FBXO8: variants seen among roughly 807,000 people sequenced by gnomAD.
FBXO8 encodes the protein F-box only protein 8.
Under a neutral mutation model 33.4 loss-of-function variants are expected in FBXO8, and 15 were observed. The observed-to-expected ratio is 0.45, with a 90% CI of 0.30 to 0.69. The LOEUF is 0.69. FBXO8 is among the 30% of genes least tolerant of loss of function. The pLI is 0.08. For missense variants in FBXO8, 274 were observed against 380.3 expected (o/e 0.72, Z 2.32); for synonymous variants, 132 against 131.5 (o/e 1.00, Z -0.02).
In FBXO8 at chr4:174,245,209, C is replaced by T. The variant is rs1410305208; in HGVS notation, c.457-3991G>A. 6.6e-6 allele frequency among the ~76,000 whole-genome samples: 1 copy of T among 151,588 alleles called. No individual in the cohort carries two copies. Among genetic ancestry groups the T allele is most frequent in the South Asian group, 2.1e-4 (1 of 4,826 alleles). On this transcript the variant is annotated intron_variant, in intron 3 of 5. Coordinates refer to ENST00000393674, the MANE Select transcript of FBXO8 (RefSeq NM_012180.3). The surrounding 1 kb of genome is among the most constrained non-coding windows in gnomAD (Gnocchi z 4.6). ...ATAAACATCTAGAATACACACGTGCCAAGGTACATCAATAATACATGGCAG... is the reference window on the plus strand; with the variant it reads ...ATAAACATCTAGAATACACACGTGCTAAGGTACATCAATAATACATGGCAG...
In FBXO8 at chr4:174,278,900, A is replaced by G. The variant is rs1009765483; in HGVS notation, c.-9+4510T>C. ...GAAAAGAGACTGATGGAAAGAAAAC[A>G]TGAGTTTGACTCAGTCTCCTTCCTT... On this transcript the variant is annotated intron_variant, in intron 1 of 5. Transcript: ENST00000393674. The surrounding 1 kb of genome is among the most constrained non-coding windows in gnomAD (Gnocchi z 4.1). 6.6e-6 allele frequency among the ~76,000 whole-genome samples: 1 copy of G among 152,122 alleles called. No homozygotes were observed. Among genetic ancestry groups the G allele is most frequent in the Non-Finnish European group, 1.5e-5 (1 of 67,960 alleles).
intron 3 of FBXO8, among the ~76,000 whole-genome samples, chr4:174,249,322 A>C (rs1439070126): frequency 6.6e-6 from 1 of 152,016 alleles, no homozygotes; most frequent in African/African-American, 2.4e-5. Flanking sequence ...TAGAAAAAGA[A>C]AGCATTCTAA....
At chr4:174,266,869 A>T (rs1736707941) in intron 1 of FBXO8, among the ~76,000 whole-genome samples, 2 of 152,244 alleles carry the variant, frequency 1.3e-5, no homozygotes, top group South Asian at 4.1e-4. Flanking sequence ...CTAACAGTCA[A>T]TACGTTAGAT....
intron 1 of FBXO8, among the ~76,000 whole-genome samples, chr4:174,269,855 G>T (rs769659290): frequency 1.3e-5 from 2 of 152,024 alleles, no homozygotes; most frequent in Admixed American, 6.6e-5. Flanking sequence ...ATAGGCAAAC[G>T]AATATGATCC....
At chr4:174,244,886 T>C (rs1308316118) in intron 3 of FBXO8, among the ~76,000 whole-genome samples, 1 of 151,808 alleles carries the variant, frequency 6.6e-6, no homozygotes, top group Non-Finnish European at 1.5e-5. Context: ...TCCTAGTCAT[T>C]TGATTTTTTT....
At chr4:174,266,666 CAG>C (rs1017240066) in intron 1 of FBXO8, among the ~76,000 whole-genome samples, 4 of 152,154 alleles carry the variant, frequency 2.6e-5, no homozygotes, top group Non-Finnish European at 5.9e-5. Context: ...TGAAGTCAGA[CAG>C]ACCTGGGTTT....
rs528292255 is a variant in FBXO8 at position 174,265,809 on chromosome 4, G to A, written c.-8-2709C>T. ...TTTTGACACAAATTGAACATTTTAA[G>A]TCTACTAATCATAAAGAAAAGTATT... On this transcript the variant is annotated intron_variant, in intron 1 of 5. Transcript: ENST00000393674. This position sits in a 1 kb window ranked among gnomAD's most constrained non-coding sequence, Gnocchi z 4.7. 6.6e-6 allele frequency among the ~76,000 whole-genome samples: 1 copy of A among 152,090 alleles called. No individual in the cohort carries two copies. Among genetic ancestry groups the A allele is most frequent in the Non-Finnish European group, 1.5e-5 (1 of 68,006 alleles).
Position 174,252,677 on chromosome 4 carries a change from G to A in FBXO8, c.456+7022C>T, listed in dbSNP as rs531597456. The stretch of plus-strand genomic sequence containing the variant: ...TGCACACACACACACACACACACAC[G>A]CACAGACAATACTACCTCTTTGTGT... On this transcript the variant is annotated intron_variant, in intron 3 of 5. Coordinates refer to ENST00000393674, the MANE Select transcript of FBXO8 (RefSeq NM_012180.3). This position sits in a 1 kb window ranked among gnomAD's most constrained non-coding sequence, Gnocchi z 5.1. Among the ~76,000 whole-genome samples, 5 of 67,666 alleles carry A rather than the reference G, an allele frequency of 7.4e-5. No homozygotes were observed. Among genetic ancestry groups the A allele is most frequent in the South Asian group, 4.0e-4 (1 of 2,494 alleles). 44.4% of individuals were successfully genotyped at this position (67,666 alleles called of 152,430 possible). A position where few individuals can be genotyped will look rare whatever the true frequency, so the allele number is the denominator to read the frequency against.
In FBXO8 at chr4:174,254,445, G is replaced by C. The variant is rs1361656414; in HGVS notation, c.456+5254C>G. Among the ~76,000 whole-genome samples the C allele has an allele frequency of 6.6e-6, 1 of 152,156 alleles. No individual in the cohort carries two copies. Among genetic ancestry groups the C allele is most frequent in the Non-Finnish European group, 1.5e-5 (1 of 68,008 alleles). ...TAAAAAGTATCTTAGTGGCCTGTCAGCTTTCATTAGGAATACTTCTGTGTT... is the reference window on the plus strand; with the variant it reads ...TAAAAAGTATCTTAGTGGCCTGTCACCTTTCATTAGGAATACTTCTGTGTT... On this transcript the variant is annotated intron_variant, in intron 3 of 5. Transcript: ENST00000393674. This position sits in a 1 kb window ranked among gnomAD's most constrained non-coding sequence, Gnocchi z 4.2.
rs1165135494 is a variant in FBXO8, at chr4:174,245,332, C to G, written c.457-4114G>C. On this transcript the variant is annotated intron_variant, in intron 3 of 5. Transcript: ENST00000393674. The surrounding 1 kb of genome is among the most constrained non-coding windows in gnomAD (Gnocchi z 4.6). Reference sequence around the variant, plus strand: ...GGATAGGACGTTTGGATAAGGTTTCCTGCTAGAGATTAGACTGAAGTATTG... The same window carrying G: ...GGATAGGACGTTTGGATAAGGTTTCGTGCTAGAGATTAGACTGAAGTATTG... Among the ~76,000 whole-genome samples the G allele has an allele frequency of 6.6e-6, 1 of 151,712 alleles. No homozygotes were observed. Among genetic ancestry groups the G allele is most frequent in the Non-Finnish European group, 1.5e-5 (1 of 67,828 alleles).
rs1330727846 is a variant in FBXO8 at position 174,254,598 on chromosome 4, T to C, written c.456+5101A>G. 6.6e-6 allele frequency among the ~76,000 whole-genome samples: 1 copy of C among 152,192 alleles called. No individual in the cohort carries two copies. Among genetic ancestry groups the C allele is most frequent in the Non-Finnish European group, 1.5e-5 (1 of 68,020 alleles). On this transcript the variant is annotated intron_variant, in intron 3 of 5. Coordinates refer to ENST00000393674, the MANE Select transcript of FBXO8 (RefSeq NM_012180.3). The surrounding 1 kb of genome is among the most constrained non-coding windows in gnomAD (Gnocchi z 4.2). ...TTATCAATATGTACAGGCAGTTATT[T>C]GAATTCAATATTGCTTTCAGGTTTA...
Position 174,262,117 on chromosome 4 carries a change from G to A in FBXO8, c.329+647C>T, listed in dbSNP as rs1318814977. ...AGATTTGTGGTTTTAATTCAGACTAGTACAATGTGGAAATTTATGTAATCT... is the reference window on the plus strand; with the variant it reads ...AGATTTGTGGTTTTAATTCAGACTAATACAATGTGGAAATTTATGTAATCT... On this transcript the variant is annotated intron_variant, in intron 2 of 5. Coordinates refer to ENST00000393674, the MANE Select transcript of FBXO8 (RefSeq NM_012180.3). This position sits in a 1 kb window ranked among gnomAD's most constrained non-coding sequence, Gnocchi z 4.6. Among the ~76,000 whole-genome samples the A allele has an allele frequency of 6.6e-6, 1 of 151,994 alleles. No homozygotes were observed. The highest frequency in any genetic ancestry group is 1.5e-5 in the Non-Finnish European group (1 of 67,972).
chr4:174,277,151 T>C lies in FBXO8; in HGVS notation c.-9+6259A>G, dbSNP rs1231304813. On this transcript the variant is annotated intron_variant, in intron 1 of 5. Transcript: ENST00000393674. The surrounding 1 kb of genome is among the most constrained non-coding windows in gnomAD (Gnocchi z 4.9). Reference sequence around the variant, plus strand: ...ACAAATAATTACACATTTATTAAAATTTATAAGAACAATAATAGTTTTCTA... The same window carrying C: ...ACAAATAATTACACATTTATTAAAACTTATAAGAACAATAATAGTTTTCTA... 2.0e-5 allele frequency among the ~76,000 whole-genome samples: 3 copies of C among 152,290 alleles called. No individual in the cohort carries two copies. The East Asian group carries it at 5.8e-4, about 29-fold the overall frequency.
chr4:174,243,423 T>C (rs1319643728), intron 3 of FBXO8, among the ~76,000 whole-genome samples: 1 of 150,898 alleles, frequency 6.6e-6, no homozygotes, highest in African/African-American at 2.4e-5. Context: ...GAATAACAAA[T>C]ACAAAAAGAC....
In FBXO8 at chr4:174,270,653, T is replaced by G. The variant is rs1050190509; in HGVS notation, c.-8-7553A>C. Among the ~76,000 whole-genome samples the G allele has an allele frequency of 6.6e-6, 1 of 151,892 alleles. No homozygotes were observed. The highest frequency in any genetic ancestry group is 1.5e-5 in the Non-Finnish European group (1 of 67,978). ...TTTTTTTTGAGATTTAGTCTTGTCT[T>G]GTTCCCCAGCTGCAGTGCAATGGCG... On this transcript the variant is annotated intron_variant, in intron 1 of 5. Coordinates refer to ENST00000393674, the MANE Select transcript of FBXO8 (RefSeq NM_012180.3). The surrounding 1 kb of genome is among the most constrained non-coding windows in gnomAD (Gnocchi z 4.6).
Position 174,247,518 on chromosome 4 carries a change from A to G in FBXO8, c.457-6300T>C, listed in dbSNP as rs1736187267. ...TTAAAAAAACATTTTGAAGACTTTAAAAATAGTAATACTTAAACAATATAG... is the reference window on the plus strand; with the variant it reads ...TTAAAAAAACATTTTGAAGACTTTAGAAATAGTAATACTTAAACAATATAG... On this transcript the variant is annotated intron_variant, in intron 3 of 5. Coordinates refer to ENST00000393674, the MANE Select transcript of FBXO8 (RefSeq NM_012180.3). The surrounding 1 kb of genome is among the most constrained non-coding windows in gnomAD (Gnocchi z 4.6). 6.6e-6 allele frequency among the ~76,000 whole-genome samples: 1 copy of G among 152,062 alleles called. No individual in the cohort carries two copies. The highest frequency in any genetic ancestry group is 1.5e-5 in the Non-Finnish European group (1 of 67,972).
At chr4:174,264,486 T>G (rs78080581) in intron 1 of FBXO8, among the ~76,000 whole-genome samples, 6,439 of 152,174 alleles carry the variant, frequency 0.042, 147 homozygotes, top group Middle Eastern at 0.061. Flanking sequence ...ATTTATTTAC[T>G]AAACCATTGG....
chr4:174,254,059 T>C lies in FBXO8; in HGVS notation c.456+5640A>G, dbSNP rs1736360122. Reference sequence around the variant, plus strand: ...AGTCACAGTTTAGGTTCTCTGTTCCTTGCAGCCAAAAACATCTTAGCTGAT... The same window carrying C: ...AGTCACAGTTTAGGTTCTCTGTTCCCTGCAGCCAAAAACATCTTAGCTGAT... On this transcript the variant is annotated intron_variant, in intron 3 of 5. Coordinates refer to ENST00000393674, the MANE Select transcript of FBXO8 (RefSeq NM_012180.3). The surrounding 1 kb of genome is among the most constrained non-coding windows in gnomAD (Gnocchi z 4.2). Among the ~76,000 whole-genome samples the C allele has an allele frequency of 1.3e-5, 2 of 152,198 alleles. No homozygotes were observed. Among genetic ancestry groups the C allele is most frequent in the African/African-American group, 4.8e-5 (2 of 41,448 alleles).
rs974959530 is a variant in FBXO8, at chr4:174,245,525, G to A, written c.457-4307C>T. On this transcript the variant is annotated intron_variant, in intron 3 of 5. Transcript: ENST00000393674. The surrounding 1 kb of genome is among the most constrained non-coding windows in gnomAD (Gnocchi z 4.6). ...AAATATTTTGGGTTGGAGAGTAAAT[G>A]TACAACCAGACTATGACAGTGACAG... Among the ~76,000 whole-genome samples, 4 of 151,830 alleles carry A rather than the reference G, an allele frequency of 2.6e-5. No homozygotes were observed. The highest frequency in any genetic ancestry group is 4.4e-5 in the Non-Finnish European group (3 of 67,874).
Sources: allele counts gnomAD v4.1 joint callset (sites outside exome capture counted in the v4.1 genomes callset), GRCh38; gene constraint gnomAD v4.1.1; non-coding constraint Gnocchi (gnomAD v3.1); transcripts MANE v1.5; gene names NCBI Gene and HGNC (gene_info 2026-07-23, HGNC 2026-07-21).